Variants in ZFHX3 observed in about 807,000 individuals in gnomAD.
The protein encoded by ZFHX3 is zinc finger homeobox protein 3.
In ZFHX3, 42 loss-of-function variants were observed where a neutral mutation model predicts 279.1. That is an observed-to-expected ratio of 0.15 (90% confidence interval 0.12 to 0.19). ZFHX3 has a LOEUF of 0.19. Among genes scored for constraint, ZFHX3 ranks in the 10% least tolerant of loss-of-function variants. The pLI, the probability that ZFHX3 is intolerant of heterozygous loss-of-function variation, is 1.00. For synonymous variants in ZFHX3, 2,293 were observed against 1,957.8 expected (o/e 1.17, Z -4.52); for missense variants, 4,981 against 4,754.0 (o/e 1.05, Z -1.40).
intron 1 of ZFHX3, among the ~76,000 whole-genome samples, chr16:73,759,553 A>T (rs1179851300): frequency 6.6e-6 from 1 of 152,180 alleles, no homozygotes; most frequent in Non-Finnish European, 1.5e-5. Context: ...AATTACAGAG[A>T]AGTATGGGGA....
chr16:73,293,410 G>C (rs540818021), intron 4 of ZFHX3, among the ~76,000 whole-genome samples: 26 of 152,182 alleles, frequency 1.7e-4, no homozygotes, highest in Admixed American at 7.9e-4. Flanking sequence ...TTTCTAGGAA[G>C]GGGATTACAA....
chr16:73,337,892 C>CGGGGGG (rs71156156), intron 3 of ZFHX3, among the ~76,000 whole-genome samples: 15 of 79,208 alleles, frequency 1.9e-4, no homozygotes, highest in Non-Finnish European at 3.9e-4. Flanking sequence ...CTTCCCTTGG[C>CGGGGGG]GGGGGGGGGG....
chr16:73,339,547 C>T (rs34733375), intron 3 of ZFHX3, among the ~76,000 whole-genome samples: 54,096 of 152,162 alleles, frequency 0.36, 11,295 homozygotes, highest in Non-Finnish European at 0.47. Flanking sequence ...TTTTGTTCCA[C>T]AACAATTTTA....
At chr16:72,991,532 T>C (rs903273679) in intron 1 of ZFHX3, among the ~76,000 whole-genome samples, 2 of 152,216 alleles carry the variant, frequency 1.3e-5, no homozygotes, top group African/African-American at 4.8e-5. Flanking sequence ...CCCCATAGGG[T>C]TGTAAGGATT....
At chr16:73,363,231 G>A (rs773218854) in intron 3 of ZFHX3, among the ~76,000 whole-genome samples, 20 of 152,276 alleles carry the variant, frequency 1.3e-4, no homozygotes, top group Non-Finnish European at 2.4e-4. Context: ...AGAACAACTC[G>A]GAGGACCCGG....
chr16:73,134,883 G>C (rs1386831343), intron 6 of ZFHX3, among the ~76,000 whole-genome samples: 1 of 152,006 alleles, frequency 6.6e-6, no homozygotes, highest in Non-Finnish European at 1.5e-5. Flanking sequence ...CTCCCTTCTA[G>C]CATGAGAATG....
intron 2 of ZFHX3, among the ~76,000 whole-genome samples, chr16:73,519,205 A>G (rs904944245): frequency 6.6e-6 from 1 of 152,180 alleles, no homozygotes; most frequent in Non-Finnish European, 1.5e-5. Flanking sequence ...AAACAGTTAA[A>G]CCACCAGTAA....
intron 5 of ZFHX3, among the ~76,000 whole-genome samples, chr16:73,236,538 T>C (rs898022061): frequency 1.1e-4 from 16 of 151,956 alleles, no homozygotes; most frequent in African/African-American, 2.2e-4. Context: ...GCAGAGGTTG[T>C]AGTGAGCTGA....
chr16:73,142,756 T>C (rs74935694), intron 6 of ZFHX3, among the ~76,000 whole-genome samples: 2,172 of 151,982 alleles, frequency 0.014, 59 homozygotes, highest in African/African-American at 0.05. Context: ...TGAATGATTA[T>C]AGGCACAAGA....
chr16:73,080,437 A>T (rs1471550899), intron 8 of ZFHX3, among the ~76,000 whole-genome samples: 1 of 152,196 alleles, frequency 6.6e-6, no homozygotes, highest in Non-Finnish European at 1.5e-5. Context: ...CTAGTCTATG[A>T]TATTTTGTGA....
chr16:73,536,550 G>C (rs1469583922), intron 2 of ZFHX3, among the ~76,000 whole-genome samples: 1 of 152,138 alleles, frequency 6.6e-6, no homozygotes, highest in Non-Finnish European at 1.5e-5. Context: ...TGTAACCTAA[G>C]TCAAAGTATC....
intron 1 of ZFHX3, among the ~76,000 whole-genome samples, chr16:73,800,149 T>A (rs1960101399): frequency 6.6e-6 from 1 of 152,100 alleles, no homozygotes; most frequent in Non-Finnish European, 1.5e-5. Context: ...CTCATAAGCC[T>A]CAGACATGTA....
intron 3 of ZFHX3, among the ~76,000 whole-genome samples, chr16:73,398,837 A>T (rs936610772): frequency 3.4e-4 from 26 of 75,504 alleles, no homozygotes; most frequent in African/African-American, 1.2e-3. Flanking sequence ...CAGCACAAGT[A>T]CACTTATAAG....
intron 3 of ZFHX3, among the ~76,000 whole-genome samples, chr16:73,376,236 A>G (rs1458591772): frequency 6.6e-6 from 1 of 152,170 alleles, no homozygotes; most frequent in Non-Finnish European, 1.5e-5. Flanking sequence ...TATAGAATGA[A>G]GTTTTCTAAA....
chr16:73,094,113 C>T (rs1966127488), intron 7 of ZFHX3, among the ~76,000 whole-genome samples: 1 of 152,192 alleles, frequency 6.6e-6, no homozygotes, highest in Non-Finnish European at 1.5e-5. Flanking sequence ...CAATAGCTTT[C>T]TTATAGCCCA....
intron 2 of ZFHX3, among the ~76,000 whole-genome samples, chr16:73,667,060 C>T (rs1031056627): frequency 7.3e-5 from 11 of 151,596 alleles, no homozygotes; most frequent in African/African-American, 2.4e-4. Context: ...GGCACCATCT[C>T]GGCTCACTAC....
At chr16:73,543,233 A>T (rs1261044227) in intron 2 of ZFHX3, among the ~76,000 whole-genome samples, 1 of 152,244 alleles carries the variant, frequency 6.6e-6, no homozygotes, top group Non-Finnish European at 1.5e-5. Flanking sequence ...ATTAAATACA[A>T]GTCTATCCCT....
intron 3 of ZFHX3, among the ~76,000 whole-genome samples, chr16:72,946,004 T>C (rs1295873155): frequency 6.6e-6 from 1 of 152,198 alleles, no homozygotes; most frequent in Non-Finnish European, 1.5e-5. Context: ...GATTTGCCCG[T>C]CTACCATACG....
Position 72,959,498 on chromosome 16 carries a change from C to T in ZFHX3, c.648G>A (p.Pro216=), listed in dbSNP as rs770546632. Residue 216 remains proline, a synonymous_variant, in exon 2 of 10, where the codon CCG becomes CCA. Transcript: ENST00000268489. The part of the protein sequence containing the change: ...KWFEGPDQAF[P]NTSALAGLSP... ...TGAGCCCCGCCAGGGCTGAGGTATT[C>T]GGGAAAGCCTGGTCTGGGCCCTCAA... The T allele has an allele frequency of 3.2e-5, 52 of 1,614,120 alleles. No individual in the cohort carries two copies. The highest frequency in any genetic ancestry group is 1.6e-4 in the Middle Eastern group (1 of 6,084).
Sources: gnomAD v4.1 joint callset for allele counts (sites outside exome capture counted in the v4.1 genomes callset) on GRCh38, gnomAD v4.1.1 for gene constraint, MANE v1.5 for transcripts, NCBI Gene and HGNC (gene_info 2026-07-23, HGNC 2026-07-21) for gene names.